Variants in CYP4Z1 observed in about 807,000 individuals in gnomAD.
The protein encoded by CYP4Z1 is cytochrome P450 family 4 subfamily Z member 1.
Under a neutral mutation model 54.2 loss-of-function variants are expected in CYP4Z1, and 41 were observed. The observed-to-expected ratio is 0.76, with a 90% CI of 0.59 to 0.98. The LOEUF (loss-of-function observed/expected upper bound fraction) is 0.98. Ranked by LOEUF, CYP4Z1 falls within the 50% of genes least tolerant of loss-of-function variation. CYP4Z1 has a pLI of 0.00. For synonymous variants in CYP4Z1, 163 were observed against 206.2 expected (o/e 0.79, Z 1.79); for missense variants, 513 against 599.0 (o/e 0.86, Z 1.50).
chr1:47,069,325 A>C (rs1405070470), intron 2 of CYP4Z1, among the ~76,000 whole-genome samples: 2 of 152,252 alleles, frequency 1.3e-5, no homozygotes, highest in African/African-American at 4.8e-5. Context: ...GCTTTCCTCA[A>C]CTGCCTGTTG....
At chr1:47,057,380 A>G in the CYP4Z1 span, among the ~76,000 whole-genome samples, 1 of 120,530 alleles carries the variant, frequency 8.3e-6, no homozygotes, top group Non-Finnish European at 1.7e-5. Context: ...ATATATATGT[A>G]TATTCTGCTT....
chr1:47,077,333 T>C (rs1644532202), intron 2 of CYP4Z1, among the ~76,000 whole-genome samples: 1 of 152,136 alleles, frequency 6.6e-6, no homozygotes, highest in African/African-American at 2.4e-5. Flanking sequence ...CAATATATAA[T>C]GTCTTTCTTT....
intron 7 of CYP4Z1, among the ~76,000 whole-genome samples, chr1:47,098,136 T>G (rs1644692141): frequency 6.6e-6 from 1 of 152,176 alleles, no homozygotes; most frequent in African/African-American, 2.4e-5. Flanking sequence ...TTTTAAAAGT[T>G]TTTTCTAATT....
chr1:47,072,834 A>G (rs1200911328), intron 2 of CYP4Z1, among the ~76,000 whole-genome samples: 2 of 147,376 alleles, frequency 1.4e-5, no homozygotes, highest in Non-Finnish European at 3.0e-5. Flanking sequence ...GTTACATTTG[A>G]GGAATTCAGA....
At chr1:47,063,958 G>A (rs1238858684), upstream of CYP4Z1, among the ~76,000 whole-genome samples, 5 of 152,100 alleles carry the variant, frequency 3.3e-5, no homozygotes, top group East Asian at 7.8e-4. Flanking sequence ...CTGAAGTCAA[G>A]ATGAAGGAAA....
upstream of CYP4Z1, among the ~76,000 whole-genome samples, chr1:47,066,887 G>GA (rs896981319): frequency 5.8e-3 from 799 of 137,392 alleles, 5 homozygotes; most frequent in Non-Finnish European, 6.6e-3. Context: ...TTTCAAAATA[G>GA]AAAAAAAAAA....
At chr1:47,107,938 A>C (rs142685147) in intron 9 of CYP4Z1, among the ~76,000 whole-genome samples, 5,235 of 152,204 alleles carry the variant, frequency 0.034, 273 homozygotes, top group African/African-American at 0.12. Flanking sequence ...TGTTGGTGGA[A>C]GAGCTGGCTC....
chr1:47,065,903 T>G (rs1644447085), upstream of CYP4Z1, among the ~76,000 whole-genome samples: 1 of 152,126 alleles, frequency 6.6e-6, no homozygotes, highest in South Asian at 2.1e-4. Context: ...CATGAATGCC[T>G]TTATATGCAT....
At chr1:47,095,261 G>T (rs1175067795) in intron 7 of CYP4Z1, among the ~76,000 whole-genome samples, 4 of 152,044 alleles carry the variant, frequency 2.6e-5, no homozygotes, top group African/African-American at 9.7e-5. Context: ...AGACCTAGTG[G>T]GTTAGAATCT....
intron 8 of CYP4Z1, among the ~76,000 whole-genome samples, chr1:47,104,491 C>T (rs4926791): frequency 6.6e-5 from 10 of 151,748 alleles, no homozygotes; most frequent in Non-Finnish European, 8.8e-5. Context: ...TGAGCTCTTG[C>T]GCACCTAGGC....
Position 47,094,639 on chromosome 1 carries a change from G to A in CYP4Z1, c.846G>A (p.Trp282Ter), listed in dbSNP as rs1279841440. 4 of 1,610,936 alleles carry A rather than the reference G, an allele frequency of 2.5e-6. No homozygotes were observed. The East Asian group carries it at 6.7e-5, about 27-fold the overall frequency. ...LKQDTTQKRRWDFLDILLSAK... is the reference protein window; with the variant it reads ...LKQDTTQKRR The stretch of plus-strand genomic sequence containing the variant: ...AAGATACTACTCAGAAAAGGCGCTG[G>A]GATTTTCTGGACATACTTTTGAGTG... Residue 282 changes from tryptophan to a stop codon, truncating the protein, a stop_gained, in exon 7 of 12, where the codon TGG becomes TGA. Transcript: ENST00000334194. LOFTEE classifies it high-confidence loss of function.
intron 9 of CYP4Z1, among the ~76,000 whole-genome samples, chr1:47,109,560 G>A (rs1482216405): frequency 2.0e-5 from 3 of 152,194 alleles, no homozygotes; most frequent in Non-Finnish European, 4.4e-5. Context: ...GCAGAGAAAA[G>A]GGGATGTCCA....
chr1:47,087,705 G>T (rs1644607459), intron 6 of CYP4Z1, among the ~76,000 whole-genome samples: 1 of 152,080 alleles, frequency 6.6e-6, no homozygotes. Context: ...TTGCCTGATT[G>T]CCCTGGCCAG....
chr1:47,061,355 C>CA, the CYP4Z1 span, among the ~76,000 whole-genome samples: 1 of 152,074 alleles, frequency 6.6e-6, no homozygotes, highest in Non-Finnish European at 1.5e-5. Flanking sequence ...AGGATGCTAC[C>CA]ACTGACCCCA....
intron 8 of CYP4Z1, among the ~76,000 whole-genome samples, chr1:47,100,137 T>C (rs1644710842): frequency 1.3e-5 from 2 of 152,234 alleles, no homozygotes; most frequent in African/African-American, 4.8e-5. Flanking sequence ...TCATACATTC[T>C]TTTGTTTGGC....
chr1:47,107,934 T>C (rs1368022096), intron 9 of CYP4Z1, among the ~76,000 whole-genome samples: 1 of 152,182 alleles, frequency 6.6e-6, no homozygotes, highest in Non-Finnish European at 1.5e-5. Flanking sequence ...TGGATGTTGG[T>C]GGAAGAGCTG....
upstream of CYP4Z1, among the ~76,000 whole-genome samples, chr1:47,066,900 C>T (rs917865042): frequency 6.6e-6 from 1 of 150,964 alleles, no homozygotes; most frequent in African/African-American, 2.4e-5. Context: ...AAAAAAAAAA[C>T]TTAGGTATAT....
Position 47,068,669 on chromosome 1 carries a change from A to T in CYP4Z1, c.225A>T (p.Lys75Asn). 1 of 1,614,134 alleles carries T rather than the reference A, an allele frequency of 6.2e-7. No individual in the cohort carries two copies. The highest frequency in any genetic ancestry group is 2.2e-5 in the East Asian group (1 of 44,878). Residue 75 changes from lysine (K) to asparagine (N), a missense_variant, in exon 2 of 12, where the codon AAA (lysine) becomes AAT (asparagine). By Grantham distance (94) the Lys-to-Asn change is moderately conservative. Transcript: ENST00000334194. ...EFEVYHKLME[K>N]YPCAVPLWVG... ...AGGTGTATCATAAGCTGATGGAAAA[A>T]TACCCATGTGCTGTTCCCTTGTGGG...
chr1:47,111,187 T>C (rs1293863968), intron 9 of CYP4Z1, among the ~76,000 whole-genome samples: 1 of 126,546 alleles, frequency 7.9e-6, no homozygotes, highest in Non-Finnish European at 1.6e-5. Flanking sequence ...GTTACACATC[T>C]GCAATTTTTT....
Sources: allele counts gnomAD v4.1 joint callset (sites outside exome capture counted in the v4.1 genomes callset), GRCh38; gene constraint gnomAD v4.1.1; transcripts MANE v1.5; gene names NCBI Gene and HGNC (gene_info 2026-07-23, HGNC 2026-07-21).